Variants in DCLK2 observed in about 807,000 individuals in gnomAD.
DCLK2 encodes the protein doublecortin like kinase 2, also known as serine/threonine-protein kinase DCLK2.
Under a neutral mutation model 78.4 loss-of-function variants are expected in DCLK2, and 31 were observed. The observed-to-expected ratio is 0.40, with a 90% CI of 0.30 to 0.53. DCLK2 has a LOEUF of 0.53. DCLK2 is among the 20% of genes least tolerant of loss of function. The pLI, the probability that DCLK2 is intolerant of heterozygous loss-of-function variation, is 0.61. For missense variants in DCLK2, 872 were observed against 973.7 expected, an observed-to-expected ratio of 0.90 and a Z score of 1.39; for synonymous variants, 407 against 374.9, an observed-to-expected ratio of 1.09 and a Z score of -0.99.
At position 150,107,378 on chromosome 4, in the gene DCLK2, GT is replaced by G. The variant is rs201080236; in HGVS notation, c.756+4583del. Among the ~76,000 whole-genome samples, 248 of 125,174 alleles carry G rather than the reference GT, an allele frequency of 2.0e-3. 1 individual carries two copies. Among genetic ancestry groups the G allele is most frequent in the Admixed American group, 5.1e-3 (62 of 12,086 alleles). 82.1% of individuals were successfully genotyped at this position (125,174 alleles called of 152,430 possible). A position where few individuals can be genotyped will look rare whatever the true frequency, so the allele number is the denominator to read the frequency against. On this transcript the variant is annotated intron_variant, in intron 2 of 15. Transcript: ENST00000296550. The stretch of plus-strand genomic sequence containing the variant: ...GGTTTGTAGGGTTTTTTTGGTTATT[GT>G]TTTTTTTTTTTTTTTTGGAGACAGA...
intron 2 of DCLK2, among the ~76,000 whole-genome samples, chr4:150,149,855 C>A (rs1734766699): frequency 6.6e-6 from 1 of 152,172 alleles, no homozygotes; most frequent in African/African-American, 2.4e-5. Flanking sequence ...TAGTAATTTT[C>A]AAAGTGCTAC....
intron 1 of DCLK2, among the ~76,000 whole-genome samples, chr4:150,081,338 G>T (rs949101528): frequency 1.3e-5 from 2 of 152,134 alleles, no homozygotes; most frequent in African/African-American, 4.8e-5. Context: ...ACCGCCCACC[G>T]CATGCATGTC....
At chr4:150,191,961 G>A (rs140710659) in intron 2 of DCLK2, among the ~76,000 whole-genome samples, 1 of 152,212 alleles carries the variant, frequency 6.6e-6, no homozygotes. Context: ...AGTGTTGTTT[G>A]TTTTTTCCTA....
chr4:150,142,019 A>G lies in DCLK2; in HGVS notation c.756+39207A>G, dbSNP rs559191278. On this transcript the variant is annotated intron_variant, in intron 2 of 15. Coordinates refer to ENST00000296550, the MANE Select transcript of DCLK2 (RefSeq NM_001040260.4). The stretch of plus-strand genomic sequence containing the variant: ...AAAATTTCTGTAACAATGAAATCAT[A>G]CTATATTAAATTAAACTGTTTTAGT... Among the ~76,000 whole-genome samples the G allele has an allele frequency of 5.3e-5, 8 of 152,338 alleles. No homozygotes were observed. The South Asian group carries it at 1.4e-3, about 28-fold the overall frequency.
chr4:150,188,498 T>A (rs1738126113), intron 2 of DCLK2, among the ~76,000 whole-genome samples: 1 of 152,054 alleles, frequency 6.6e-6, no homozygotes, highest in Admixed American at 6.6e-5. Context: ...CTTAACCAAA[T>A]AGGCATTCAG....
intron 2 of DCLK2, among the ~76,000 whole-genome samples, chr4:150,121,614 G>A (rs1301439267): frequency 2.0e-5 from 3 of 152,180 alleles, no homozygotes; most frequent in African/African-American, 4.8e-5. Flanking sequence ...TCCTGTTAAT[G>A]TTGATATGTT....
Position 150,239,280 on chromosome 4 carries a change from A to G in DCLK2, c.1567-462A>G, listed in dbSNP as rs1410519298. Among the ~76,000 whole-genome samples, 27 of 152,224 alleles carry G rather than the reference A, an allele frequency of 1.8e-4. 1 individual carries two copies. Among genetic ancestry groups the G allele is most frequent in the Admixed American group, 1.8e-3 (27 of 15,284 alleles). ...AGAAAAAAATTAGCACTTTAAAGCA[A>G]CAAAGATGAATCATGGTGTTAGAAT... is the stretch of plus-strand genomic sequence containing the variant. On this transcript the variant is annotated intron_variant, in intron 10 of 15. Transcript: ENST00000296550.
intron 2 of DCLK2, among the ~76,000 whole-genome samples, chr4:150,144,519 C>T (rs1734325196): frequency 6.6e-6 from 1 of 152,036 alleles, no homozygotes; most frequent in Non-Finnish European, 1.5e-5. Context: ...AACATGATAC[C>T]TCCAGATTGT....
intron 12 of DCLK2, among the ~76,000 whole-genome samples, chr4:150,243,423 T>C (rs1406947473): frequency 2.6e-5 from 4 of 151,834 alleles, no homozygotes; most frequent in Non-Finnish European, 4.4e-5. Flanking sequence ...ACATTCTGGG[T>C]AGATTTTATA....
At chr4:150,179,657 A>G (rs911381973) in intron 2 of DCLK2, among the ~76,000 whole-genome samples, 1 of 152,192 alleles carries the variant, frequency 6.6e-6, no homozygotes, top group Non-Finnish European at 1.5e-5. Flanking sequence ...GCATTGATTT[A>G]AAAATTTTAA....
At chr4:150,239,633 C>G in intron 10 of DCLK2, 109 bp from the exon 11 acceptor site, 2 of 1,366,908 alleles carry the variant, frequency 1.5e-6, no homozygotes, top group Admixed American at 4.4e-5. Flanking sequence ...AGATTTCATT[C>G]GAGTTTAATA....
intron 12 of DCLK2, among the ~76,000 whole-genome samples, chr4:150,244,444 G>A (rs1018700170): frequency 6.6e-6 from 1 of 152,162 alleles, no homozygotes; most frequent in Non-Finnish European, 1.5e-5. Context: ...AACATCATTT[G>A]GGAAATAGCT....
chr4:150,104,394 T>TAAAAAAAAAAAAAAAAAAAAAAAAAAAAA (rs34276664), intron 2 of DCLK2, among the ~76,000 whole-genome samples: 1 of 29,754 alleles, frequency 3.4e-5, no homozygotes, highest in Non-Finnish European at 5.5e-5. Context: ...CCACATCTCC[T>TAAAAAAAAAAAAAAAAAAAAAAAAAAAAA]AAAAAAAAAA....
chr4:150,249,126 C>G (rs1743551327), intron 14 of DCLK2, among the ~76,000 whole-genome samples: 2 of 152,066 alleles, frequency 1.3e-5, no homozygotes, highest in Admixed American at 1.3e-4. Flanking sequence ...GGTTCTTGGA[C>G]CAAGTAGCTA....
At chr4:150,095,713 A>C (rs1295537156) in intron 1 of DCLK2, among the ~76,000 whole-genome samples, 2 of 152,214 alleles carry the variant, frequency 1.3e-5, no homozygotes, top group African/African-American at 2.4e-5. Flanking sequence ...TGAACCAATC[A>C]GTTTTTCCTA....
intron 2 of DCLK2, among the ~76,000 whole-genome samples, chr4:150,190,667 A>G (rs1738385669): frequency 1.3e-5 from 2 of 152,256 alleles, no homozygotes; most frequent in African/African-American, 4.8e-5. Flanking sequence ...AGTGACTGCT[A>G]ATGGGCATGG....
chr4:150,106,050 A>G (rs1290851398), intron 2 of DCLK2, among the ~76,000 whole-genome samples: 2 of 152,068 alleles, frequency 1.3e-5, no homozygotes, highest in Non-Finnish European at 2.9e-5. Context: ...TGAGTTAATT[A>G]TTTTTTCATG....
chr4:150,219,258 C>CTTTTTTTT (rs375592229), intron 5 of DCLK2, among the ~76,000 whole-genome samples: 5 of 72,138 alleles, frequency 6.9e-5, no homozygotes, highest in Non-Finnish European at 1.3e-4. Flanking sequence ...CACAAACATT[C>CTTTTTTTT]TTTTTTTTTT....
At chr4:150,240,870 G>GT (rs1446699781) in intron 12 of DCLK2, among the ~76,000 whole-genome samples, 2 of 151,892 alleles carry the variant, frequency 1.3e-5, no homozygotes, top group African/African-American at 4.8e-5. Flanking sequence ...TGGGTGTGAG[G>GT]TGAAGGCCTT....
Sources: gnomAD v4.1 joint callset for allele counts (sites outside exome capture counted in the v4.1 genomes callset) on GRCh38, gnomAD v4.1.1 for gene constraint, MANE v1.5 for transcripts, NCBI Gene and HGNC (gene_info 2026-07-23, HGNC 2026-07-21) for gene names.